Variants in CLK3 observed in about 807,000 individuals in gnomAD.
CLK3 encodes the protein CDC like kinase 3.
Under a neutral mutation model 65.2 loss-of-function variants are expected in CLK3, and 24 were observed. The observed-to-expected ratio is 0.37, with a 90% CI of 0.27 to 0.52. The LOEUF (loss-of-function observed/expected upper bound fraction) is 0.52, where lower values mean the gene tolerates loss of function less well. Among genes scored for constraint, CLK3 ranks in the 20% least tolerant of loss-of-function variants. The probability of loss-of-function intolerance (pLI) is 0.92; values close to 1 mark genes in which losing one functional copy is unlikely to be tolerated. For missense variants in CLK3, 506 were observed against 660.0 expected, an observed-to-expected ratio of 0.77 and a Z score of 2.56; for synonymous variants, 252 against 240.8, an observed-to-expected ratio of 1.05 and a Z score of -0.43.
intron 1 of CLK3, among the ~76,000 whole-genome samples, chr15:74,618,470 G>C (rs1234418082): frequency 1.3e-5 from 2 of 152,194 alleles, no homozygotes; most frequent in African/African-American, 4.8e-5. Flanking sequence ...TAAAGGCAAG[G>C]CACCTGGCAG....
chr15:74,615,404 C>G (rs2141533336), upstream of CLK3: 6 of 1,244,996 alleles, frequency 4.8e-6, no homozygotes, highest in Non-Finnish European at 6.1e-6. Flanking sequence ...TTCCCGAGCT[C>G]CGGCACACAG....
At chr15:74,609,282 C>G (rs1362271920) in intron 1 of CLK3, among the ~76,000 whole-genome samples, 4 of 152,230 alleles carry the variant, frequency 2.6e-5, no homozygotes, top group Admixed American at 6.5e-5. Context: ...CCACCCCAGC[C>G]CGCAGAGGCT....
In CLK3 at chr15:74,627,513, C is replaced by G; in HGVS notation, c.913-26C>G. 6.2e-7 allele frequency: 1 copy of G among 1,614,232 alleles called. No homozygotes were observed. The highest frequency in any genetic ancestry group is 8.5e-7 in the Non-Finnish European group (1 of 1,180,030). On this transcript the variant is annotated intron_variant, in intron 8 of 12. Coordinates refer to ENST00000395066, the MANE Select transcript of CLK3 (RefSeq NM_001130028.2). This position sits in a 1 kb window ranked among gnomAD's most constrained non-coding sequence, Gnocchi z 4.3. ...GTTACCCGCTGGTGCAGACTCCTGA[C>G]CTGGCAGGCCTGCCTTGCCTTTCAG...
chr15:74,615,162 T>C (rs1183545169), upstream of CLK3: 2 of 359,470 alleles, frequency 5.6e-6, no homozygotes, highest in East Asian at 4.0e-5. Flanking sequence ...GAGTCTTAAC[T>C]GAGAGGCCAC....
chr15:74,623,211 T>C (rs2141545604), intron 5 of CLK3, among the ~76,000 whole-genome samples: 1 of 152,296 alleles, frequency 6.6e-6, no homozygotes, highest in Middle Eastern at 3.4e-3. Flanking sequence ...AACATTTGCT[T>C]CCTCTCCTAT....
In CLK3 at chr15:74,619,325, C is replaced by G. The variant is rs1265007062; in HGVS notation, c.129C>G (p.Pro43=). 6.2e-7 allele frequency: 1 copy of G among 1,614,124 alleles called. No individual in the cohort carries two copies. Among genetic ancestry groups the G allele is most frequent in the South Asian group, 1.1e-5 (1 of 91,084 alleles). Residue 43 remains proline (P), a synonymous_variant, in exon 2 of 13, where the codon CCC becomes CCG. Coordinates refer to ENST00000395066, the MANE Select transcript of CLK3 (RefSeq NM_001130028.2). ...GATACCCGTCCCGAAGGGAGCCTCC[C>G]CCACGAAGATCTCGGTCCAGAAGGT... ...RLRYPSRREP[P]PRRSRSRSHD...
In CLK3 at chr15:74,622,266, G is replaced by T. The variant is rs1314542500; in HGVS notation, c.466+50G>T. 2 of 1,556,152 alleles carry T rather than the reference G, an allele frequency of 1.3e-6. No homozygotes were observed. Among genetic ancestry groups the T allele is most frequent in the African/African-American group, 1.4e-5 (1 of 73,926 alleles). ...TACCTCTCTACTTTCTACCCCCCTT[G>T]TTAGACGAGACCTCTCCTGCCTGGA... On this transcript the variant is annotated intron_variant, in intron 4 of 12. Coordinates refer to ENST00000395066, the MANE Select transcript of CLK3 (RefSeq NM_001130028.2). This position sits in a 1 kb window ranked among gnomAD's most constrained non-coding sequence, Gnocchi z 4.6.
intron 10 of CLK3, 108 bp downstream of exon 10, chr15:74,628,160 C>T (rs546411534): frequency 4.0e-6 from 3 of 758,052 alleles, no homozygotes; most frequent in East Asian, 2.5e-5. Flanking sequence ...GTGTCTTCCT[C>T]CTCCCACTAA....
Position 74,627,138 on chromosome 15 carries a change from C to G in CLK3, c.818-214C>G. On this transcript the variant is annotated intron_variant, in intron 7 of 12. Transcript: ENST00000395066. The surrounding 1 kb of genome is among the most constrained non-coding windows in gnomAD (Gnocchi z 4.3). ...CGAATGGCAAATTTCTTTCCTACCC[C>G]CCTGCTAAAGTATCAGAACCCTCCA... 1.5e-6 allele frequency: 1 copy of G among 671,004 alleles called. No individual in the cohort carries two copies. The highest frequency in any genetic ancestry group is 2.7e-6 in the Non-Finnish European group (1 of 363,780). 41.6% of individuals were successfully genotyped at this position (671,004 alleles called of 1,614,324 possible).
chr15:74,628,762 G>A, intron 11 of CLK3, 79 bp downstream of exon 11: 1 of 1,261,138 alleles, frequency 7.9e-7, no homozygotes. Context: ...GGTACTGGAT[G>A]TGGTGAGTCT....
upstream of CLK3, chr15:74,615,379 G>A: frequency 8.4e-7 from 1 of 1,193,542 alleles, no homozygotes; most frequent in Middle Eastern, 3.2e-4. Context: ...TCGCGCAAGC[G>A]GAGTCGCGTC....
chr15:74,615,428 C>A, upstream of CLK3: 1 of 1,268,990 alleles, frequency 7.9e-7, no homozygotes, highest in South Asian at 2.7e-5. Flanking sequence ...TCAGGCCGCT[C>A]TCGCGCTCTC....
At chr15:74,620,541 G>A in intron 3 of CLK3, 1 of 477,048 alleles carries the variant, frequency 2.1e-6, no homozygotes. Context: ...ACACTTCTTA[G>A]GACACTTCTT....
intron 10 of CLK3, 49 bp from the exon 11 acceptor site, chr15:74,628,555 G>T: frequency 7.3e-7 from 1 of 1,362,592 alleles, no homozygotes; most frequent in South Asian, 1.3e-5. Flanking sequence ...CTCCTTGAAG[G>T]GGCCAGAGCT....
At position 74,628,965 on chromosome 15, in the gene CLK3, G is replaced by A. The variant is rs1412865258; in HGVS notation, c.1229G>A (p.Gly410Glu). Residue 410 changes from glycine to glutamate, a missense_variant, in exon 12 of 13, where the codon GGG becomes GAG. By Grantham distance (98) the Gly-to-Glu change is moderately conservative. Coordinates refer to ENST00000395066, the MANE Select transcript of CLK3 (RefSeq NM_001130028.2). ...AGGAAGCAGAAATATTTCTACAAAG[G>A]GGGCCTAGTTTGGGATGAGAACAGC... Reference protein sequence around the residue: ...RTRKQKYFYKGGLVWDENSSD... With the variant: ...RTRKQKYFYKEGLVWDENSSD... The A allele has an allele frequency of 1.2e-6, 2 of 1,613,698 alleles. No homozygotes were observed. Among genetic ancestry groups the A allele is most frequent in the Non-Finnish European group, 1.7e-6 (2 of 1,179,632 alleles).
At chr15:74,620,983 T>A (rs1307257056) in intron 3 of CLK3, 1 of 152,390 alleles carries the variant, frequency 6.6e-6, no homozygotes, top group Non-Finnish European at 1.5e-5. Flanking sequence ...CACATTGCGC[T>A]CAGTCCCCTG....
intron 12 of CLK3, chr15:74,629,309 C>T (rs1444881755): frequency 3.7e-6 from 2 of 544,170 alleles, no homozygotes; most frequent in Admixed American, 3.0e-5. Context: ...CTTCCTGTCC[C>T]TCTCTCTCCT....
chr15:74,627,116 A>C lies in CLK3; in HGVS notation c.818-236A>C, dbSNP rs2062149443. 1 of 615,940 alleles carries C rather than the reference A, an allele frequency of 1.6e-6. No individual in the cohort carries two copies. Among genetic ancestry groups the C allele is most frequent in the Admixed American group, 2.2e-5 (1 of 46,164 alleles). 38.2% of individuals were successfully genotyped at this position (615,940 alleles called of 1,614,324 possible). ...GGAGAGGTGGAGGGAGGTTTTTCGA[A>C]TGGCAAATTTCTTTCCTACCCCCCT... On this transcript the variant is annotated intron_variant, in intron 7 of 12. Transcript: ENST00000395066. This position sits in a 1 kb window ranked among gnomAD's most constrained non-coding sequence, Gnocchi z 4.3.
At chr15:74,619,050 T>A (rs2062081146) in intron 1 of CLK3, 147 bp from the exon 2 acceptor site, 2 of 867,876 alleles carry the variant, frequency 2.3e-6, no homozygotes, top group South Asian at 1.7e-5. Context: ...ACCTCAGAGT[T>A]CTTCTTCACT....
Sources: gnomAD v4.1 joint callset for allele counts (sites outside exome capture counted in the v4.1 genomes callset) on GRCh38, gnomAD v4.1.1 for gene constraint, Gnocchi (gnomAD v3.1) non-coding constraint, MANE v1.5 for transcripts, NCBI Gene and HGNC (gene_info 2026-07-23, HGNC 2026-07-21) for gene names.